Variants in TENM3 observed in about 807,000 individuals in gnomAD.
The protein encoded by TENM3 is teneurin transmembrane protein 3.
A neutral mutation model predicts 255.1 loss-of-function variants in TENM3; 63 were observed. The ratio of observed to expected loss-of-function variants is 0.25; its 90% CI spans 0.20 to 0.30. The LOEUF (loss-of-function observed/expected upper bound fraction) is 0.30. Ranked by LOEUF, TENM3 falls within the 10% of genes least tolerant of loss-of-function variation. TENM3 has a pLI of 1.00. For synonymous variants in TENM3, 1,306 were observed against 1,322.3 expected (o/e 0.99, Z 0.27); for missense variants, 2,929 against 3,461.1 (o/e 0.85, Z 3.86).
At chr4:181,597,972 A>T in the TENM3 span, among the ~76,000 whole-genome samples, 1 of 152,320 alleles carries the variant, frequency 6.6e-6, no homozygotes, top group Non-Finnish European at 1.5e-5. Context: ...ATTTGATACC[A>T]TTCTGTGGGT....
chr4:181,885,559 C>A, the TENM3 span, among the ~76,000 whole-genome samples: 1 of 152,070 alleles, frequency 6.6e-6, no homozygotes, highest in African/African-American at 2.4e-5. Context: ...CCGCGCCTGG[C>A]CGAGATTCAA....
chr4:181,935,223 A>C, the TENM3 span, among the ~76,000 whole-genome samples: 1 of 152,256 alleles, frequency 6.6e-6, no homozygotes, highest in Non-Finnish European at 1.5e-5. Flanking sequence ...GATTGTTTTC[A>C]AAAGGCAATA....
the TENM3 span, among the ~76,000 whole-genome samples, chr4:181,899,715 G>T: frequency 6.6e-5 from 10 of 152,016 alleles, no homozygotes; most frequent in Admixed American, 4.6e-4. Flanking sequence ...CTACAGGCAT[G>T]CACCACCACA....
chr4:181,845,464 C>A, the TENM3 span, among the ~76,000 whole-genome samples: 2 of 152,082 alleles, frequency 1.3e-5, no homozygotes, highest in Non-Finnish European at 2.9e-5. Context: ...TTTAGGTTAA[C>A]ATGTTAGTGG....
intron 1 of TENM3, among the ~76,000 whole-genome samples, chr4:182,225,085 A>G (rs1256213239): frequency 6.6e-6 from 1 of 151,828 alleles, no homozygotes; most frequent in South Asian, 2.1e-4. Flanking sequence ...TTCACCCCCT[A>G]TCCTGGCTTT....
chr4:181,469,686 G>A, the TENM3 span, among the ~76,000 whole-genome samples: 1 of 152,128 alleles, frequency 6.6e-6, no homozygotes, highest in Admixed American at 6.5e-5. Flanking sequence ...AAATTGTTGA[G>A]TAGTTAAGTA....
the TENM3 span, among the ~76,000 whole-genome samples, chr4:181,701,050 G>T: frequency 6.6e-6 from 1 of 151,922 alleles, no homozygotes; most frequent in Admixed American, 6.6e-5. Context: ...TATTTAATTG[G>T]CTACCTACAG....
chr4:182,762,996 A>T (rs1330566782), intron 22 of TENM3, among the ~76,000 whole-genome samples: 1 of 151,626 alleles, frequency 6.6e-6, no homozygotes, highest in Non-Finnish European at 1.5e-5. Flanking sequence ...TTCAAGAGAG[A>T]CCCCCCACAA....
chr4:181,529,602 A>G, the TENM3 span, among the ~76,000 whole-genome samples: 1 of 152,218 alleles, frequency 6.6e-6, no homozygotes, highest in African/African-American at 2.4e-5. Context: ...ATTATTCCTA[A>G]TGACACCAGA....
the TENM3 span, among the ~76,000 whole-genome samples, chr4:181,723,552 T>A: frequency 1.3e-5 from 2 of 152,256 alleles, no homozygotes; most frequent in East Asian, 3.9e-4. Context: ...TTGGAAACAC[T>A]TTTCCTTCAG....
chr4:182,587,802 ATAAAT>A lies in TENM3; in HGVS notation c.512-13120_512-13116del, dbSNP rs1489357249. Among the ~76,000 whole-genome samples the A allele has an allele frequency of 9.8e-5, 15 of 152,342 alleles. No homozygotes were observed. In the East Asian group the frequency reaches 2.7e-3, roughly 27 times the overall value. ...AAAATTTTTTACATTAAAATCTGAA[ATAAAT>A]TTAAGTTGGATATAAAGTGATTTTC... is the stretch of plus-strand genomic sequence containing the variant. On this transcript the variant is annotated intron_variant, in intron 3 of 27. Coordinates refer to ENST00000511685, the MANE Select transcript of TENM3 (RefSeq NM_001080477.4).
chr4:181,696,056 GC>G, the TENM3 span, among the ~76,000 whole-genome samples: 1 of 152,040 alleles, frequency 6.6e-6, no homozygotes, highest in Non-Finnish European at 1.5e-5. Context: ...GCCCCTTAAA[GC>G]CGGACACGCG....
chr4:182,039,983 G>C, the TENM3 span, among the ~76,000 whole-genome samples: 1 of 98,124 alleles, frequency 1.0e-5, no homozygotes. Context: ...TGAGGCGATA[G>C]GAGGGGAGGG....
the TENM3 span, among the ~76,000 whole-genome samples, chr4:181,678,465 T>G: frequency 6.6e-6 from 1 of 152,052 alleles, no homozygotes; most frequent in South Asian, 2.1e-4. Context: ...CAATTTTGTA[T>G]CTGTCCTTTC....
intron 1 of TENM3, among the ~76,000 whole-genome samples, chr4:182,276,696 G>C (rs552463672): frequency 1.3e-5 from 2 of 152,264 alleles, no homozygotes; most frequent in South Asian, 4.1e-4. Context: ...TAATGTTTCA[G>C]TGAAAATTAT....
the TENM3 span, among the ~76,000 whole-genome samples, chr4:181,528,561 C>T: frequency 6.6e-6 from 1 of 152,194 alleles, no homozygotes; most frequent in Non-Finnish European, 1.5e-5. Context: ...ACTAGTGTCA[C>T]AATTTGAAGT....
upstream of TENM3, among the ~76,000 whole-genome samples, chr4:182,241,770 G>A (rs1757277396): frequency 1.3e-5 from 2 of 151,926 alleles, no homozygotes; most frequent in Non-Finnish European, 2.9e-5. Flanking sequence ...GCCTCCCAAA[G>A]TGCTGGGATT....
chr4:181,700,302 G>C, the TENM3 span, among the ~76,000 whole-genome samples: 17 of 148,366 alleles, frequency 1.1e-4, no homozygotes, highest in Non-Finnish European at 1.5e-5. Flanking sequence ...GTAATTTTTT[G>C]CTTCTCAGGA....
chr4:182,023,786 T>C, the TENM3 span, among the ~76,000 whole-genome samples: 1 of 152,200 alleles, frequency 6.6e-6, no homozygotes, highest in African/African-American at 2.4e-5. Context: ...GCTCATATAA[T>C]TTGTAGTAGG....
Sources: allele counts gnomAD v4.1 joint callset (sites outside exome capture counted in the v4.1 genomes callset), GRCh38; gene constraint gnomAD v4.1.1; transcripts MANE v1.5; gene names NCBI Gene and HGNC (gene_info 2026-07-23, HGNC 2026-07-21).